Variants in RALYL observed in about 807,000 individuals in gnomAD.
The protein encoded by RALYL is RNA-binding Raly-like protein.
Under a neutral mutation model 35.1 loss-of-function variants are expected in RALYL, and 29 were observed. The observed-to-expected ratio is 0.83, with a 90% CI of 0.61 to 1.13. RALYL has a LOEUF of 1.13. Ranked by LOEUF, RALYL falls within the 50% of genes most tolerant of loss-of-function variation. RALYL has a pLI of 0.00. For missense variants in RALYL, 359 were observed against 360.4 expected, an observed-to-expected ratio of 1.00 and a Z score of 0.03; for synonymous variants, 120 against 127.6, an observed-to-expected ratio of 0.94 and a Z score of 0.40.
At chr8:84,234,879 C>T (rs1826159132) in intron 1 of RALYL, among the ~76,000 whole-genome samples, 1 of 151,952 alleles carries the variant, frequency 6.6e-6, no homozygotes, top group Admixed American at 6.6e-5. Flanking sequence ...ATTCTCCTGC[C>T]TCAGCCTCCC....
chr8:84,685,499 C>T (rs1403214171), intron 2 of RALYL, among the ~76,000 whole-genome samples: 1 of 152,090 alleles, frequency 6.6e-6, no homozygotes, highest in Non-Finnish European at 1.5e-5. Context: ...CAATTTAGGA[C>T]ATTTGCACAT....
At chr8:84,896,516 TGGAATA>T (rs1000392347) in intron 8 of RALYL, among the ~76,000 whole-genome samples, 19 of 152,168 alleles carry the variant, frequency 1.2e-4, no homozygotes, top group African/African-American at 4.6e-4. Flanking sequence ...CTACCTTGCT[TGGAATA>T]GATACCGAAG....
intron 2 of RALYL, among the ~76,000 whole-genome samples, chr8:84,628,400 C>T (rs1043561529): frequency 4.6e-5 from 7 of 152,054 alleles, no homozygotes; most frequent in Admixed American, 3.3e-4. Flanking sequence ...ATTTTCTTCA[C>T]GGTGCTTCCT....
intron 7 of RALYL, among the ~76,000 whole-genome samples, chr8:84,874,183 GC>G (rs1159813787): frequency 6.6e-6 from 1 of 152,082 alleles, no homozygotes; most frequent in Non-Finnish European, 1.5e-5. Flanking sequence ...TCGAATCCCA[GC>G]CCTTCCTCTG....
rs57387257 is a variant in RALYL, at chr8:84,223,209, CTCCCTTCCCT to C, written c.-24+38814_-24+38823del. On this transcript the variant is annotated intron_variant, in intron 1 of 8. Transcript: ENST00000521268. ...CCTTCCCTTCCCTTCCCTTCCATTC[CTCCCTTCCCT>C]TCCCTTCCCTTCCCTTCCCTTCCCT... is the stretch of plus-strand genomic sequence containing the variant. Among the ~76,000 whole-genome samples the C allele has an allele frequency of 1.5e-3, 129 of 88,904 alleles. 2 individuals carry two copies. The highest frequency in any genetic ancestry group is 3.2e-3 in the African/African-American group (58 of 17,900). 58.3% of individuals were successfully genotyped at this position (88,904 alleles called of 152,430 possible).
intron 2 of RALYL, among the ~76,000 whole-genome samples, chr8:84,654,942 A>G (rs1281279805): frequency 6.6e-6 from 1 of 151,964 alleles, no homozygotes; most frequent in Non-Finnish European, 1.5e-5. Context: ...TTTTGGGTAT[A>G]TATACCTAGC....
chr8:84,835,784 A>G (rs941132768), intron 4 of RALYL, among the ~76,000 whole-genome samples: 2 of 152,006 alleles, frequency 1.3e-5, no homozygotes, highest in African/African-American at 4.8e-5. Context: ...TTGTTGAGCC[A>G]TCAGTTGAGC....
At position 84,478,475 on chromosome 8, in the gene RALYL, T is replaced by C. The variant is rs570151709; in HGVS notation, c.-23-50824T>C. Among the ~76,000 whole-genome samples the C allele has an allele frequency of 9.2e-5, 14 of 152,318 alleles. No homozygotes were observed. In the East Asian group the frequency reaches 2.5e-3, roughly 27 times the overall value. ...AAACACTATAACATCCAGTTTTCTA[T>C]ACTAATCACTTTCTGCACAAGAAAA... On this transcript the variant is annotated intron_variant, in intron 1 of 8. Transcript: ENST00000521268.
At chr8:84,703,381 G>A (rs1347518964) in intron 2 of RALYL, among the ~76,000 whole-genome samples, 1 of 152,140 alleles carries the variant, frequency 6.6e-6, no homozygotes, top group African/African-American at 2.4e-5. Flanking sequence ...GTCTGGAGGA[G>A]AAAGGTGGGC....
intron 1 of RALYL, among the ~76,000 whole-genome samples, chr8:84,291,011 T>C (rs573492438): frequency 1.3e-5 from 2 of 152,356 alleles, no homozygotes; most frequent in South Asian, 4.1e-4. Context: ...TTTCAAGTAA[T>C]GAATTGATTG....
chr8:84,373,997 G>A (rs1022887552), intron 1 of RALYL, among the ~76,000 whole-genome samples: 2 of 151,884 alleles, frequency 1.3e-5, no homozygotes, highest in Admixed American at 1.3e-4. Flanking sequence ...TTTGTGATTT[G>A]GATATGAGCT....
chr8:84,341,314 C>T (rs183555703), intron 1 of RALYL, among the ~76,000 whole-genome samples: 200 of 151,650 alleles, frequency 1.3e-3, no homozygotes, highest in African/African-American at 4.4e-3. Flanking sequence ...ATTATATTCC[C>T]CTTGCTCTTA....
intron 2 of RALYL, among the ~76,000 whole-genome samples, chr8:84,583,467 G>T (rs1313366795): frequency 1.3e-5 from 2 of 152,092 alleles, no homozygotes; most frequent in African/African-American, 4.8e-5. Context: ...ATAATTTTCA[G>T]ATATCATGTT....
intron 1 of RALYL, among the ~76,000 whole-genome samples, chr8:84,302,060 A>T (rs1410032511): frequency 6.6e-6 from 1 of 152,148 alleles, no homozygotes; most frequent in Non-Finnish European, 1.5e-5. Context: ...TGGAGTATTA[A>T]CCAATGCAAT....
At chr8:84,760,847 G>A (rs1812509756) in intron 2 of RALYL, among the ~76,000 whole-genome samples, 1 of 151,890 alleles carries the variant, frequency 6.6e-6, no homozygotes, top group East Asian at 1.9e-4. Context: ...GAAGGAAAAG[G>A]TTTTAATGGA....
At chr8:84,547,465 C>T (rs769147734) in intron 2 of RALYL, among the ~76,000 whole-genome samples, 1 of 152,122 alleles carries the variant, frequency 6.6e-6, no homozygotes, top group East Asian at 1.9e-4. Context: ...CAACCTCTGC[C>T]TCCCGGGTTC....
intron 1 of RALYL, among the ~76,000 whole-genome samples, chr8:84,223,200 CTTCCA>C (rs1563560216): frequency 1.1e-4 from 4 of 35,002 alleles, no homozygotes; most frequent in Non-Finnish European, 1.8e-4. Context: ...CTTCCCTTCC[CTTCCA>C]TTCCTCCCTT....
At chr8:84,725,420 T>A (rs1342012061) in intron 2 of RALYL, among the ~76,000 whole-genome samples, 8 of 151,768 alleles carry the variant, frequency 5.3e-5, no homozygotes, top group Non-Finnish European at 1.2e-4. Context: ...GAAAAAGGAA[T>A]GTATTAAACA....
chr8:84,721,314 T>A (rs559426155), intron 2 of RALYL, among the ~76,000 whole-genome samples: 1 of 152,170 alleles, frequency 6.6e-6, no homozygotes, highest in Admixed American at 6.6e-5. Flanking sequence ...TGAAATCATA[T>A]GTCCAGAGAT....
Sources: gnomAD v4.1 joint callset for allele counts (sites outside exome capture counted in the v4.1 genomes callset) on GRCh38, gnomAD v4.1.1 for gene constraint, MANE v1.5 for transcripts, NCBI Gene and HGNC (gene_info 2026-07-23, HGNC 2026-07-21) for gene names.